Variants in CACNB2 observed in about 807,000 individuals in gnomAD.
CACNB2 encodes voltage-dependent L-type calcium channel subunit beta-2.
Under a neutral mutation model 73.3 loss-of-function variants are expected in CACNB2, and 42 were observed. That is an observed-to-expected ratio of 0.57 (90% confidence interval 0.45 to 0.74). CACNB2 has a LOEUF of 0.74. CACNB2 is among the 30% of genes least tolerant of loss of function. The pLI is 0.00. For synonymous variants in CACNB2, 348 were observed against 310.3 expected, an observed-to-expected ratio of 1.12 and a Z score of -1.28; for missense variants, 940 against 853.0, an observed-to-expected ratio of 1.10 and a Z score of -1.27.
intron 3 of CACNB2, among the ~76,000 whole-genome samples, chr10:18,431,309 AC>A (rs758845741): frequency 1.4e-4 from 22 of 152,096 alleles, no homozygotes; most frequent in Non-Finnish European, 2.4e-4. Context: ...ACTTAAAACA[AC>A]CACACAGTGT....
At chr10:18,261,074 G>T (rs2131595823) in intron 2 of CACNB2, 1 of 1,431,176 alleles carries the variant, frequency 7.0e-7, no homozygotes, top group African/African-American at 1.4e-5. Flanking sequence ...ACAAACAGGG[G>T]AGAACAAAGT....
intron 2 of CACNB2, among the ~76,000 whole-genome samples, chr10:18,353,347 T>C (rs2041789337): frequency 6.6e-6 from 1 of 151,990 alleles, no homozygotes; most frequent in Non-Finnish European, 1.5e-5. Context: ...GAGGCAGAGT[T>C]TGCAGTGAGC....
rs34680296 is a variant in CACNB2 at position 18,400,640 on chromosome 10, G to GT, written c.214-1267dup. On this transcript the variant is annotated intron_variant, in intron 2 of 13. Transcript: ENST00000324631. ...TGTCACTGCATACGTTTTTGCACTA[G>GT]TTTTTTTTTTTTTTTTTCTGCGATT... 0.037 allele frequency: 34,315 copies of GT among 924,980 alleles called. 209 individuals are homozygous for GT. The highest frequency in any genetic ancestry group is 0.1 in the South Asian group (2,129 of 21,022). 57.3% of individuals were successfully genotyped at this position (924,980 alleles called of 1,614,324 possible). A position where few individuals can be genotyped will look rare whatever the true frequency, so the allele number is the denominator to read the frequency against.
intron 2 of CACNB2, among the ~76,000 whole-genome samples, chr10:18,272,710 C>T (rs943409075): frequency 1.3e-5 from 2 of 152,196 alleles, no homozygotes; most frequent in Non-Finnish European, 2.9e-5. Flanking sequence ...TCTTATCCGC[C>T]GCCATGTAAG....
At chr10:18,320,487 G>A (rs1049031400) in intron 2 of CACNB2, among the ~76,000 whole-genome samples, 1 of 152,156 alleles carries the variant, frequency 6.6e-6, no homozygotes, top group Non-Finnish European at 1.5e-5. Flanking sequence ...TTAGAATTAA[G>A]TCTTTGCATG....
In CACNB2 at chr10:18,515,624, T is replaced by C. The variant is rs557664368; in HGVS notation, c.804+1255T>C. Reference sequence around the variant, plus strand: ...TTAATAAGGGAAAACTTCAGCACTCTGGGCAAAAATTGCAACACTTGGATT... The same window carrying C: ...TTAATAAGGGAAAACTTCAGCACTCCGGGCAAAAATTGCAACACTTGGATT... On this transcript the variant is annotated intron_variant, in intron 7 of 13. Transcript: ENST00000324631. Among the ~76,000 whole-genome samples, 156 of 152,380 alleles carry C rather than the reference T, an allele frequency of 1.0e-3. 1 individual carries two copies. The highest frequency in any genetic ancestry group is 3.6e-3 in the African/African-American group (149 of 41,602).
chr10:18,181,086 G>T (rs914992884), intron 2 of CACNB2, among the ~76,000 whole-genome samples: 1 of 132,910 alleles, frequency 7.5e-6, no homozygotes, highest in Non-Finnish European at 1.6e-5. Context: ...AAAAAAAGAG[G>T]TCAAGCATAT....
Position 18,536,259 on chromosome 10 carries a change from TTTTTTTTTTTTTTTGG to T in CACNB2, c.1302+64_1302+79del, listed in dbSNP as rs1304392364. On this transcript the variant is annotated intron_variant, in intron 12 of 13. Coordinates refer to ENST00000324631, the MANE Select transcript of CACNB2 (RefSeq NM_201596.3). ...AGATCAGACCTTTTTTTTTTTTTTT[TTTTTTTTTTTTTTTGG>T]GGGACAAGGTCTTGCTCTGTTGCCC... 1.5e-3 allele frequency: 997 copies of T among 667,132 alleles called. 18 individuals are homozygous for T. In the East Asian group the frequency reaches 0.019, roughly 13 times the overall value. 41.3% of individuals were successfully genotyped at this position (667,132 alleles called of 1,614,324 possible). A position where few individuals can be genotyped will look rare whatever the true frequency, so the allele number is the denominator to read the frequency against.
At chr10:18,470,473 T>G (rs2048125891) in intron 3 of CACNB2, among the ~76,000 whole-genome samples, 1 of 150,694 alleles carries the variant, frequency 6.6e-6, no homozygotes, top group Admixed American at 6.7e-5. Flanking sequence ...TATACTGTAT[T>G]GTATATATTA....
At chr10:18,215,169 C>T (rs1329832822) in intron 2 of CACNB2, among the ~76,000 whole-genome samples, 1 of 151,672 alleles carries the variant, frequency 6.6e-6, no homozygotes, top group Non-Finnish European at 1.5e-5. Flanking sequence ...GCGTTCCCTC[C>T]CAAGATAGCA....
chr10:18,480,471 C>A (rs2048666567), intron 3 of CACNB2, among the ~76,000 whole-genome samples: 1 of 152,126 alleles, frequency 6.6e-6, no homozygotes, highest in South Asian at 2.1e-4. Context: ...GTTACTAGTC[C>A]AACGTGTTTC....
chr10:18,387,361 A>G (rs1377000897), intron 2 of CACNB2, among the ~76,000 whole-genome samples: 2 of 152,130 alleles, frequency 1.3e-5, no homozygotes, highest in African/African-American at 4.8e-5. Flanking sequence ...GTTTTGTGTT[A>G]CAGCCTCTGT....
intron 3 of CACNB2, among the ~76,000 whole-genome samples, chr10:18,447,709 A>G (rs189747528): frequency 5.3e-5 from 8 of 151,804 alleles, no homozygotes; most frequent in African/African-American, 1.7e-4. Context: ...GAAATCTTGG[A>G]GTGACTTTGA....
chr10:18,190,373 C>A (rs2034342326), intron 2 of CACNB2, among the ~76,000 whole-genome samples: 1 of 152,098 alleles, frequency 6.6e-6, no homozygotes, highest in Admixed American at 6.6e-5. Context: ...AGGACCCAGT[C>A]CCCCACCTGT....
rs544860720 is a variant in CACNB2 at position 18,195,019 on chromosome 10, AT to A, written c.213+44052del. Among the ~76,000 whole-genome samples the A allele has an allele frequency of 1.8e-4, 28 of 152,220 alleles. No individual in the cohort carries two copies. In the East Asian group the frequency reaches 5.2e-3, roughly 28 times the overall value. On this transcript the variant is annotated intron_variant, in intron 2 of 13. Coordinates refer to ENST00000324631, the MANE Select transcript of CACNB2 (RefSeq NM_201596.3). Reference sequence around the variant, plus strand: ...ATTCTTAGGATGTGTATGGTCTCAAATTTTTTTTCCTTAGAGTTTAAAAATA... The same window carrying A: ...ATTCTTAGGATGTGTATGGTCTCAAATTTTTTTCCTTAGAGTTTAAAAATA...
intron 2 of CACNB2, among the ~76,000 whole-genome samples, chr10:18,222,325 A>G (rs2035824947): frequency 6.6e-6 from 1 of 152,152 alleles, no homozygotes; most frequent in Non-Finnish European, 1.5e-5. Flanking sequence ...AGAGGAAAGA[A>G]ACATAAGACC....
intron 2 of CACNB2, among the ~76,000 whole-genome samples, chr10:18,258,074 AC>A (rs2037360593): frequency 6.6e-6 from 1 of 152,162 alleles, no homozygotes; most frequent in Non-Finnish European, 1.5e-5. Context: ...CTAGAGGAAT[AC>A]ATGGATTGTA....
At chr10:18,141,683 C>A (rs74328093) in intron 1 of CACNB2, among the ~76,000 whole-genome samples, 229 of 149,722 alleles carry the variant, frequency 1.5e-3, no homozygotes, top group African/African-American at 5.2e-3. Context: ...TACGTTTTTA[C>A]GTAAGGCTTC....
chr10:18,529,681 A>C (rs1291401076), intron 10 of CACNB2, among the ~76,000 whole-genome samples: 1 of 152,234 alleles, frequency 6.6e-6, no homozygotes, highest in Admixed American at 6.5e-5. Flanking sequence ...AAAAAGAAGG[A>C]CATGGGAGAT....
Sources: gnomAD v4.1 joint callset for allele counts (sites outside exome capture counted in the v4.1 genomes callset) on GRCh38, gnomAD v4.1.1 for gene constraint, MANE v1.5 for transcripts, NCBI Gene and HGNC (gene_info 2026-07-23, HGNC 2026-07-21) for gene names.